THSD4: variants seen among roughly 807,000 people sequenced by gnomAD.
The protein encoded by THSD4 is thrombospondin type-1 domain-containing protein 4.
Under a neutral mutation model 119.0 loss-of-function variants are expected in THSD4, and 69 were observed. The observed-to-expected ratio is 0.58, with a 90% CI of 0.48 to 0.71. THSD4 has a LOEUF of 0.71. THSD4 is among the 30% of genes least tolerant of loss of function. The pLI is 0.00. For synonymous variants in THSD4, 524 were observed against 540.4 expected (o/e 0.97, Z 0.42); for missense variants, 1,393 against 1,391.1 (o/e 1.00, Z -0.02).
At chr15:71,169,512 G>T (rs2043332398) in intron 3 of THSD4, among the ~76,000 whole-genome samples, 1 of 151,952 alleles carries the variant, frequency 6.6e-6, no homozygotes, top group Non-Finnish European at 1.5e-5. Context: ...AGCTAAACTG[G>T]AAATAACCCA....
chr15:71,637,273 A>G (rs1412618359), intron 7 of THSD4, among the ~76,000 whole-genome samples: 1 of 152,222 alleles, frequency 6.6e-6, no homozygotes, highest in East Asian at 1.9e-4. Context: ...AGAATTTTAG[A>G]TGATAACTAA....
intron 4 of THSD4, among the ~76,000 whole-genome samples, chr15:71,233,148 A>T (rs972270689): frequency 6.6e-6 from 1 of 152,182 alleles, no homozygotes; most frequent in Non-Finnish European, 1.5e-5. Flanking sequence ...GTTCTTGATG[A>T]GACAGTTCAG....
At chr15:71,640,659 G>A (rs2050839729) in intron 7 of THSD4, among the ~76,000 whole-genome samples, 2 of 152,066 alleles carry the variant, frequency 1.3e-5, no homozygotes, top group Admixed American at 1.3e-4. Context: ...CTTAATCTTT[G>A]ATTTCTTCTT....
chr15:71,395,954 A>ACACACACACACAC (rs1566968379), intron 6 of THSD4, among the ~76,000 whole-genome samples: 2 of 108,560 alleles, frequency 1.8e-5, no homozygotes, highest in African/African-American at 6.7e-5. Flanking sequence ...CACACACACA[A>ACACACACACACAC]ACACAGACTT....
intron 6 of THSD4, among the ~76,000 whole-genome samples, chr15:71,393,966 TAAG>T (rs897998241): frequency 2.6e-5 from 4 of 152,312 alleles, no homozygotes; most frequent in Admixed American, 2.0e-4. Flanking sequence ...CCATTGTAGT[TAAG>T]AATATAATTG....
chr15:71,385,353 T>A (rs1020911060), intron 6 of THSD4, among the ~76,000 whole-genome samples: 1 of 152,196 alleles, frequency 6.6e-6, no homozygotes, highest in Non-Finnish European at 1.5e-5. Context: ...AGTCTGACTT[T>A]GAGTCCCACT....
intron 2 of THSD4, 124 bp from the exon 3 acceptor site, chr15:71,154,739 A>G: frequency 1.1e-6 from 1 of 942,020 alleles, no homozygotes; most frequent in Non-Finnish European, 1.7e-6. Context: ...ACTGGGTCAC[A>G]TCCCAGGGCC....
At chr15:71,565,793 A>C (rs1463271323) in intron 7 of THSD4, among the ~76,000 whole-genome samples, 1 of 152,192 alleles carries the variant, frequency 6.6e-6, no homozygotes, top group Non-Finnish European at 1.5e-5. Context: ...AGAGGAATGG[A>C]AACAAGGGGG....
At chr15:71,462,232 G>A (rs2084942905) in intron 7 of THSD4, among the ~76,000 whole-genome samples, 1 of 152,142 alleles carries the variant, frequency 6.6e-6, no homozygotes, top group Non-Finnish European at 1.5e-5. Flanking sequence ...TGTGATCATG[G>A]CTGTCTGCAG....
rs149310742 is a variant in THSD4, at chr15:71,304,946, A to G, written c.1015+48231A>G. The stretch of plus-strand genomic sequence containing the variant: ...CAAATACATGTTTCCAATAAAGACT[A>G]TTTTTTGTTCTTGCCCAGGCAATAA... On this transcript the variant is annotated intron_variant, in intron 6 of 17. Coordinates refer to ENST00000261862, the MANE Select transcript of THSD4 (RefSeq NM_024817.3). 4.2e-3 allele frequency among the ~76,000 whole-genome samples: 635 copies of G among 152,288 alleles called. 3 individuals are homozygous for G. Among genetic ancestry groups the G allele is most frequent in the African/African-American group, 0.015 (608 of 41,570 alleles).
At chr15:71,354,348 G>A (rs1351245261) in intron 6 of THSD4, among the ~76,000 whole-genome samples, 1 of 152,146 alleles carries the variant, frequency 6.6e-6, no homozygotes, top group Admixed American at 6.5e-5. Context: ...AGGGAGCTCC[G>A]AGGAAAACCA....
chr15:71,360,401 G>T (rs1402726330), intron 6 of THSD4, among the ~76,000 whole-genome samples: 1 of 152,082 alleles, frequency 6.6e-6, no homozygotes, highest in African/African-American at 2.4e-5. Flanking sequence ...CAACACGATG[G>T]GTTACTCGGC....
At chr15:71,416,005 C>T (rs994401549) in intron 7 of THSD4, among the ~76,000 whole-genome samples, 2 of 152,154 alleles carry the variant, frequency 1.3e-5, no homozygotes, top group African/African-American at 4.8e-5. Flanking sequence ...TTGTGTTGGC[C>T]AGGCTGGTCT....
intron 7 of THSD4, among the ~76,000 whole-genome samples, chr15:71,502,246 A>T (rs527408504): frequency 6.6e-6 from 1 of 152,332 alleles, no homozygotes; most frequent in Non-Finnish European, 1.5e-5. Flanking sequence ...ATCTGGTTAG[A>T]GATGCTTGTA....
rs140351787 is a variant in THSD4 at position 71,100,941 on chromosome 15, C to A, written c.-80+3935C>A. Among the ~76,000 whole-genome samples, 705 of 152,172 alleles carry A rather than the reference C, an allele frequency of 4.6e-3. 7 individuals carry two copies. Among genetic ancestry groups the A allele is most frequent in the African/African-American group, 0.017 (694 of 41,484 alleles). Reference sequence around the variant, plus strand: ...AGGTTGCAGTGAGCCATGATCACACCACTGCCCTTCATCCTGGGTGACACA... The same window carrying A: ...AGGTTGCAGTGAGCCATGATCACACAACTGCCCTTCATCCTGGGTGACACA... On this transcript the variant is annotated intron_variant, in intron 1 of 17. Coordinates refer to the THSD4 transcript ENST00000355327.
At chr15:71,263,331 G>GTATA (rs60448462) in intron 6 of THSD4, among the ~76,000 whole-genome samples, 32,612 of 138,682 alleles carry the variant, frequency 0.24, 4,483 homozygotes, top group South Asian at 0.33. Flanking sequence ...GTATTCCATG[G>GTATA]TATATATATA....
At chr15:71,541,203 C>T (rs1332097488) in intron 7 of THSD4, among the ~76,000 whole-genome samples, 1 of 152,048 alleles carries the variant, frequency 6.6e-6, no homozygotes, top group African/African-American at 2.4e-5. Flanking sequence ...CCAACATATT[C>T]AAAATATTAT....
At chr15:71,235,147 G>A (rs898996173) in intron 4 of THSD4, among the ~76,000 whole-genome samples, 2 of 152,178 alleles carry the variant, frequency 1.3e-5, no homozygotes, top group African/African-American at 4.8e-5. Flanking sequence ...CCAATGCTTT[G>A]TATCAATGCC....
chr15:71,256,202 C>T (rs1231884476), intron 5 of THSD4, among the ~76,000 whole-genome samples: 6 of 152,104 alleles, frequency 3.9e-5, no homozygotes, highest in Admixed American at 6.5e-5. Flanking sequence ...GGGCCCGGCG[C>T]GGTGGCTGAC....
Sources: allele counts gnomAD v4.1 joint callset (sites outside exome capture counted in the v4.1 genomes callset), GRCh38; gene constraint gnomAD v4.1.1; transcripts MANE v1.5; gene names NCBI Gene and HGNC (gene_info 2026-07-23, HGNC 2026-07-21).